The following ABCC1 variants were observed in gnomAD, a reference collection of about 807,000 sequenced individuals.
The protein encoded by ABCC1 is multidrug resistance-associated protein 1.
A neutral mutation model predicts 172.9 loss-of-function variants in ABCC1; 83 were observed. The observed-to-expected ratio is 0.48, with a 90% CI of 0.40 to 0.58. The LOEUF (loss-of-function observed/expected upper bound fraction) is 0.58. ABCC1 is among the 20% of genes least tolerant of loss of function. The pLI is 0.00. For missense variants in ABCC1, 1,817 were observed against 2,002.7 expected (o/e 0.91, Z 1.77); for synonymous variants, 937 against 825.2 (o/e 1.14, Z -2.32).
chr16:16,100,862 G>T (rs1191109281), intron 19 of ABCC1, among the ~76,000 whole-genome samples: 2 of 152,144 alleles, frequency 1.3e-5, no homozygotes, highest in Non-Finnish European at 2.9e-5. Context: ...TCCCCAAGGG[G>T]CACAGCCAGG....
intron 16 of ABCC1, among the ~76,000 whole-genome samples, chr16:16,080,900 T>G (rs1183016048): frequency 2.0e-5 from 3 of 152,310 alleles, no homozygotes; most frequent in Admixed American, 6.5e-5. Context: ...GAGTTTTTTT[T>G]GTTGCCCAGG....
intron 20 of ABCC1, among the ~76,000 whole-genome samples, chr16:16,105,095 A>C (rs567039187): frequency 6.6e-6 from 1 of 152,336 alleles, no homozygotes; most frequent in African/African-American, 2.4e-5. Context: ...GGCGGGCTGA[A>C]GGGCTCCTCA....
At chr16:16,007,192 GT>G (rs35493923) in intron 1 of ABCC1, among the ~76,000 whole-genome samples, 8 of 150,566 alleles carry the variant, frequency 5.3e-5, no homozygotes, top group East Asian at 3.9e-4. Flanking sequence ...TTGTTGGTGG[GT>G]TTTTTTGTGT....
At chr16:15,982,426 AG>A (rs1279110442) in intron 1 of ABCC1, among the ~76,000 whole-genome samples, 1 of 152,062 alleles carries the variant, frequency 6.6e-6, no homozygotes. Context: ...GGCGGCAGGA[AG>A]GAGAAGTGCT....
intron 18 of ABCC1, among the ~76,000 whole-genome samples, 190 bp downstream of exon 18, chr16:16,087,181 G>A (rs1422126251): frequency 6.6e-6 from 1 of 152,112 alleles, no homozygotes; most frequent in Non-Finnish European, 1.5e-5. Flanking sequence ...TCTTTATAGG[G>A]GTAAGTCCTC....
At chr16:16,127,347 C>T (rs928335341) in intron 26 of ABCC1, among the ~76,000 whole-genome samples, 6 of 152,110 alleles carry the variant, frequency 3.9e-5, no homozygotes, top group South Asian at 2.1e-4. Flanking sequence ...TCTGGGACCA[C>T]GGGCATATGC....
intron 12 of ABCC1, among the ~76,000 whole-genome samples, chr16:16,063,113 T>G (rs2049981532): frequency 6.6e-6 from 1 of 152,176 alleles, no homozygotes; most frequent in African/African-American, 2.4e-5. Flanking sequence ...ATTTATACAT[T>G]TCTGTATTTT....
At chr16:15,999,928 C>T (rs973818124) in intron 1 of ABCC1, among the ~76,000 whole-genome samples, 1 of 144,638 alleles carries the variant, frequency 6.9e-6, no homozygotes, top group Admixed American at 7.5e-5. Flanking sequence ...GATCTGGGCT[C>T]ACTGCAACCT....
intron 17 of ABCC1, among the ~76,000 whole-genome samples, chr16:16,086,200 A>G (rs1458291348): frequency 6.6e-6 from 1 of 152,178 alleles, no homozygotes; most frequent in Non-Finnish European, 1.5e-5. Flanking sequence ...TTTGCTGAGC[A>G]CTTGCTGTGC....
At chr16:15,996,587 C>T (rs2047063685) in intron 1 of ABCC1, among the ~76,000 whole-genome samples, 1 of 152,168 alleles carries the variant, frequency 6.6e-6, no homozygotes, top group South Asian at 2.1e-4. Context: ...GCCTTCCCTC[C>T]TGTCCTGGAG....
intron 19 of ABCC1, among the ~76,000 whole-genome samples, chr16:16,097,652 G>C (rs2051541050): frequency 6.6e-6 from 1 of 152,194 alleles, no homozygotes; most frequent in Admixed American, 6.5e-5. Flanking sequence ...GCTTTAGAAA[G>C]CAGCTTTGTC....
chr16:16,073,297 G>A (rs1382716308), intron 14 of ABCC1, among the ~76,000 whole-genome samples: 2 of 152,118 alleles, frequency 1.3e-5, no homozygotes, highest in South Asian at 4.1e-4. Flanking sequence ...ACAGCCCATC[G>A]GTAGAGTCCA....
upstream of ABCC1, among the ~76,000 whole-genome samples, chr16:15,949,156 G>A (rs2045789332): frequency 6.6e-6 from 1 of 152,074 alleles, no homozygotes; most frequent in Non-Finnish European, 1.5e-5. Flanking sequence ...CTGGGCAGAG[G>A]GAATCACTCA....
At chr16:15,968,289 C>G (rs2046292546) in intron 1 of ABCC1, among the ~76,000 whole-genome samples, 1 of 152,142 alleles carries the variant, frequency 6.6e-6, no homozygotes, top group South Asian at 2.1e-4. Context: ...CTACCTCGGC[C>G]TCCCAAAGTC....
chr16:16,033,272 C>T, intron 6 of ABCC1, 102 bp downstream of exon 6: 1 of 1,176,068 alleles, frequency 8.5e-7, no homozygotes, highest in East Asian at 2.4e-5. Flanking sequence ...ACTTCTCCCT[C>T]CTTTGCTCTT....
intron 5 of ABCC1, among the ~76,000 whole-genome samples, chr16:16,031,489 A>C (rs1044639344): frequency 7.2e-5 from 11 of 152,256 alleles, no homozygotes; most frequent in Non-Finnish European, 1.3e-4. Flanking sequence ...TAGCTTGCTT[A>C]GAATCTCTCA....
At chr16:16,128,831 A>T (rs541417219) in intron 26 of ABCC1, among the ~76,000 whole-genome samples, 4 of 152,230 alleles carry the variant, frequency 2.6e-5, no homozygotes, top group African/African-American at 9.6e-5. Context: ...TCCCGTCTCT[A>T]CTAAAAATAC....
intron 23 of ABCC1, among the ~76,000 whole-genome samples, chr16:16,120,680 C>T (rs766978075): frequency 6.6e-5 from 10 of 151,874 alleles, no homozygotes; most frequent in Admixed American, 2.0e-4. Context: ...ATGGCCTGGA[C>T]GGGATGGGCA....
chr16:16,122,638 T>C (rs1035453284), intron 24 of ABCC1, among the ~76,000 whole-genome samples: 7 of 151,008 alleles, frequency 4.6e-5, no homozygotes, highest in Non-Finnish European at 7.4e-5. Flanking sequence ...CCCAGTACTT[T>C]GGGAGGCTGA....
Sources: allele counts gnomAD v4.1 joint callset (sites outside exome capture counted in the v4.1 genomes callset), GRCh38; gene constraint gnomAD v4.1.1; transcripts MANE v1.5; gene names NCBI Gene and HGNC (gene_info 2026-07-23, HGNC 2026-07-21).